The following LCLAT1 variants were observed in gnomAD, a reference collection of about 807,000 sequenced individuals.
The protein encoded by LCLAT1 is 1-AGP acyltransferase 8.
LCLAT1 carries 11 observed loss-of-function variants against 30.7 expected under a neutral mutation model. That is an observed-to-expected ratio of 0.36 (90% CI 0.23 to 0.59). LCLAT1 has a LOEUF of 0.59. LCLAT1 is among the 20% of genes least tolerant of loss of function. LCLAT1 has a pLI of 0.77. For missense variants in LCLAT1, 402 were observed against 458.6 expected (o/e 0.88, Z 1.13); for synonymous variants, 155 against 151.3 (o/e 1.02, Z -0.18).
At chr2:30,463,852 T>C (rs1482156786) in intron 1 of LCLAT1, among the ~76,000 whole-genome samples, 1 of 152,258 alleles carries the variant, frequency 6.6e-6, no homozygotes, top group Non-Finnish European at 1.5e-5. Context: ...GTTATATGGC[T>C]ATGCCATAAT....
intron 1 of LCLAT1, among the ~76,000 whole-genome samples, chr2:30,475,006 T>C (rs1333248862): frequency 6.6e-6 from 1 of 151,674 alleles, no homozygotes; most frequent in Non-Finnish European, 1.5e-5. Flanking sequence ...GCTAGTCTTA[T>C]TCTGTGTGTG....
intron 1 of LCLAT1, among the ~76,000 whole-genome samples, chr2:30,481,324 AGCTAAGATAATGT>A (rs1683309698): frequency 6.6e-6 from 1 of 152,240 alleles, no homozygotes; most frequent in South Asian, 2.1e-4. Context: ...GTCGGTCTGC[AGCTAAGATAATGT>A]GTTGGAGATA....
At chr2:30,593,049 C>T (rs1421498175) in intron 5 of LCLAT1, among the ~76,000 whole-genome samples, 1 of 152,200 alleles carries the variant, frequency 6.6e-6, no homozygotes, top group East Asian at 1.9e-4. Flanking sequence ...ACCAACTTCT[C>T]TACATCCCTC....
intron 1 of LCLAT1, among the ~76,000 whole-genome samples, chr2:30,499,171 G>C (rs1187175796): frequency 6.6e-6 from 1 of 152,110 alleles, no homozygotes; most frequent in African/African-American, 2.4e-5. Flanking sequence ...TAGAGCAGCT[G>C]TGTTTTGTTG....
chr2:30,609,935 TA>T (rs913744179), intron 5 of LCLAT1, among the ~76,000 whole-genome samples: 11 of 152,134 alleles, frequency 7.2e-5, no homozygotes, highest in African/African-American at 2.2e-4. Flanking sequence ...AAGCATGATT[TA>T]GTGAGCAATT....
chr2:30,492,264 G>C (rs1683873457), intron 1 of LCLAT1, among the ~76,000 whole-genome samples: 1 of 152,156 alleles, frequency 6.6e-6, no homozygotes, highest in Non-Finnish European at 1.5e-5. Context: ...TATACTTCTA[G>C]GGAAGGAAGG....
At chr2:30,518,320 G>A (rs556408801) in intron 1 of LCLAT1, among the ~76,000 whole-genome samples, 98 of 152,192 alleles carry the variant, frequency 6.4e-4, no homozygotes, top group African/African-American at 1.9e-3. Flanking sequence ...AGTTCCTCCC[G>A]GGTGATTGAG....
chr2:30,595,303 C>T (rs1346341233), intron 5 of LCLAT1, among the ~76,000 whole-genome samples: 5 of 152,050 alleles, frequency 3.3e-5, no homozygotes, highest in African/African-American at 1.2e-4. Flanking sequence ...TAGGTCTGCC[C>T]TCTTTTTGAT....
At chr2:30,503,417 G>C (rs535620622) in intron 1 of LCLAT1, among the ~76,000 whole-genome samples, 1 of 152,250 alleles carries the variant, frequency 6.6e-6, no homozygotes, top group East Asian at 1.9e-4. Context: ...GGGCTTGCTG[G>C]ATCATATTGT....
chr2:30,501,295 C>T (rs995101339), intron 1 of LCLAT1, among the ~76,000 whole-genome samples: 2 of 152,076 alleles, frequency 1.3e-5, no homozygotes, highest in African/African-American at 4.8e-5. Context: ...TAGACCAAAC[C>T]CCCAGTGCTT....
chr2:30,467,247 T>C (rs963727257), intron 1 of LCLAT1, among the ~76,000 whole-genome samples: 1 of 152,248 alleles, frequency 6.6e-6, no homozygotes, highest in Admixed American at 6.5e-5. Flanking sequence ...GCTTCATCCA[T>C]GTCCCTACAA....
At chr2:30,475,651 T>G (rs1683009987) in intron 1 of LCLAT1, among the ~76,000 whole-genome samples, 1 of 152,248 alleles carries the variant, frequency 6.6e-6, no homozygotes, top group Non-Finnish European at 1.5e-5. Flanking sequence ...TTTATACAAC[T>G]CAGCCCAGTA....
At chr2:30,539,692 A>T (rs73922662) in intron 3 of LCLAT1, among the ~76,000 whole-genome samples, 14,541 of 152,230 alleles carry the variant, frequency 0.096, 737 homozygotes, top group East Asian at 0.12. Flanking sequence ...GGTCCATCTT[A>T]AATTAGATGT....
chr2:30,533,298 A>G lies in LCLAT1; in HGVS notation c.348A>G (p.Lys116=). The change falls in exon 3 of 6, where the codon AAA becomes AAG. Residue 116 remains lysine (K), a synonymous_variant. Transcript: ENST00000379509. Reference sequence around the variant, plus strand: ...AAATTTGCCTCAAAGCGAGTCTCAAAGGTGTTCCTGGATTTGGTAGGTTAT... The same window carrying G: ...AAATTTGCCTCAAAGCGAGTCTCAAGGGTGTTCCTGGATTTGGTAGGTTAT... ...LEKICLKASL[K]GVPGFGWAMQ... The G allele has an allele frequency of 6.2e-7, 1 of 1,613,990 alleles. No individual in the cohort carries two copies. Among genetic ancestry groups the G allele is most frequent in the Non-Finnish European group, 8.5e-7 (1 of 1,179,866 alleles).
chr2:30,560,322 G>A (rs1558520048), intron 3 of LCLAT1, among the ~76,000 whole-genome samples: 2 of 139,344 alleles, frequency 1.4e-5, no homozygotes, highest in African/African-American at 6.0e-5. Context: ...GTGTGTGTGT[G>A]TGTATTATTT....
At chr2:30,498,592 C>G (rs1296043845) in intron 1 of LCLAT1, among the ~76,000 whole-genome samples, 2 of 152,062 alleles carry the variant, frequency 1.3e-5, no homozygotes, top group Non-Finnish European at 2.9e-5. Flanking sequence ...AAGGACTCAC[C>G]CCAATTGCCT....
chr2:30,474,387 C>T lies in LCLAT1; in HGVS notation c.-5+27004C>T, dbSNP rs1031380401. Among the ~76,000 whole-genome samples, 9 of 152,308 alleles carry T rather than the reference C, an allele frequency of 5.9e-5. No homozygotes were observed. The East Asian group carries it at 1.4e-3, about 23-fold the overall frequency. On this transcript the variant is annotated intron_variant, in intron 1 of 5. Coordinates refer to ENST00000379509, the MANE Select transcript of LCLAT1 (RefSeq NM_001002257.3). ...TAGTTTTCCATCAGATTTTTCTCTA[C>T]ATGTTACTGTGACTTGCAGTGAGTG...
chr2:30,608,960 C>G (rs1667603595), intron 5 of LCLAT1, among the ~76,000 whole-genome samples: 1 of 152,164 alleles, frequency 6.6e-6, no homozygotes, highest in Non-Finnish European at 1.5e-5. Flanking sequence ...TCCTCTCATT[C>G]CTGTGAACAC....
Position 30,592,488 on chromosome 2 carries a change from A to G in LCLAT1, c.628+24312A>G, listed in dbSNP as rs151035912. The stretch of plus-strand genomic sequence containing the variant: ...GACAGAGCAAGACCCTGTCTAAAGA[A>G]AAAAAGAGATATATTAATGTATAGT... On this transcript the variant is annotated intron_variant, in intron 5 of 5. Coordinates refer to ENST00000379509, the MANE Select transcript of LCLAT1 (RefSeq NM_001002257.3). Among the ~76,000 whole-genome samples the G allele has an allele frequency of 3.2e-4, 49 of 152,278 alleles. 1 individual carries two copies. In the East Asian group the frequency reaches 8.3e-3, roughly 26 times the overall value.
Sources: allele counts gnomAD v4.1 joint callset (sites outside exome capture counted in the v4.1 genomes callset), GRCh38; gene constraint gnomAD v4.1.1; transcripts MANE v1.5; gene names NCBI Gene and HGNC (gene_info 2026-07-23, HGNC 2026-07-21).